Variants in PDE10A observed in about 807,000 individuals in gnomAD.
PDE10A encodes cAMP and cAMP-inhibited cGMP 3',5'-cyclic phosphodiesterase 10A.
Under a neutral mutation model 97.7 loss-of-function variants are expected in PDE10A, and 39 were observed. The ratio of observed to expected loss-of-function variants is 0.40; its 90% CI spans 0.31 to 0.52. PDE10A has a LOEUF of 0.52. PDE10A is among the 20% of genes least tolerant of loss of function. The pLI is 0.56. For missense variants in PDE10A, 731 were observed against 1,047.8 expected (o/e 0.70, Z 4.17); for synonymous variants, 371 against 376.8 (o/e 0.98, Z 0.18).
intron 1 of PDE10A, among the ~76,000 whole-genome samples, chr6:165,636,899 A>G (rs1403876749): frequency 1.3e-5 from 2 of 152,182 alleles, no homozygotes; most frequent in African/African-American, 4.8e-5. Context: ...TCTGTAAAAT[A>G]AAGGGATCTC....
chr6:165,408,406 C>T (rs763234038), intron 13 of PDE10A, among the ~76,000 whole-genome samples: 1 of 151,998 alleles, frequency 6.6e-6, no homozygotes, highest in Non-Finnish European at 1.5e-5. Flanking sequence ...GAAAAAAATG[C>T]TCAAAACAGC....
At chr6:165,810,378 C>A (rs1462806750) in intron 1 of PDE10A, among the ~76,000 whole-genome samples, 1 of 152,154 alleles carries the variant, frequency 6.6e-6, no homozygotes, top group African/African-American at 2.4e-5. Flanking sequence ...AAAAACAGAA[C>A]TAGGCTCCCC....
chr6:165,923,664 T>C (rs1782825417), intron 1 of PDE10A, among the ~76,000 whole-genome samples: 1 of 152,214 alleles, frequency 6.6e-6, no homozygotes, highest in East Asian at 1.9e-4. Flanking sequence ...CTGGTTAGGA[T>C]GCTTTTACAA....
At chr6:165,377,142 C>T (rs1175636589) in intron 18 of PDE10A, among the ~76,000 whole-genome samples, 1 of 152,098 alleles carries the variant, frequency 6.6e-6, no homozygotes, top group Non-Finnish European at 1.5e-5. Flanking sequence ...CTTAGTAGAA[C>T]ACATGGTGTA....
chr6:165,854,177 C>G (rs1583192637), intron 1 of PDE10A, among the ~76,000 whole-genome samples: 1 of 152,184 alleles, frequency 6.6e-6, no homozygotes, highest in South Asian at 2.1e-4. Flanking sequence ...CGGGGCGCAC[C>G]GGCGGACGGT....
chr6:165,447,750 C>A (rs1169395077), intron 5 of PDE10A, among the ~76,000 whole-genome samples: 1 of 152,096 alleles, frequency 6.6e-6, no homozygotes, highest in South Asian at 2.1e-4. Context: ...CTGAATAATG[C>A]AAATTAATAA....
At chr6:165,627,318 C>A (rs1443205957) in intron 1 of PDE10A, among the ~76,000 whole-genome samples, 3 of 152,120 alleles carry the variant, frequency 2.0e-5, no homozygotes, top group Admixed American at 1.3e-4. Context: ...AATGCATATT[C>A]TATTAATGAT....
chr6:165,915,860 A>G (rs1033052388), intron 1 of PDE10A, among the ~76,000 whole-genome samples: 2 of 152,228 alleles, frequency 1.3e-5, no homozygotes, highest in East Asian at 1.9e-4. Flanking sequence ...CAAATGTAGG[A>G]CCAACTTTGG....
intron 1 of PDE10A, among the ~76,000 whole-genome samples, chr6:165,938,350 T>C (rs1783403209): frequency 6.6e-6 from 1 of 152,244 alleles, no homozygotes; most frequent in South Asian, 2.1e-4. Flanking sequence ...TGTCTCCAAC[T>C]AGAATAAAGG....
chr6:165,969,583 C>T (rs1322828646), intron 1 of PDE10A, among the ~76,000 whole-genome samples: 1 of 151,638 alleles, frequency 6.6e-6, no homozygotes, highest in East Asian at 1.9e-4. Flanking sequence ...CGGTTTTTGC[C>T]ATTAATGACC....
intron 1 of PDE10A, among the ~76,000 whole-genome samples, chr6:165,678,583 G>A (rs552162090): frequency 1.1e-4 from 17 of 152,014 alleles, no homozygotes; most frequent in Admixed American, 3.3e-4. Context: ...TCTGCCCGCC[G>A]CTTGGAAACA....
At chr6:165,967,284 C>T (rs1784539286) in intron 1 of PDE10A, among the ~76,000 whole-genome samples, 1 of 152,178 alleles carries the variant, frequency 6.6e-6, no homozygotes, top group Non-Finnish European at 1.5e-5. Context: ...ATCACCTGAC[C>T]TCAGGAGTTC....
intron 2 of PDE10A, among the ~76,000 whole-genome samples, chr6:165,525,253 G>T (rs1201099895): frequency 6.6e-6 from 1 of 152,072 alleles, no homozygotes. Flanking sequence ...GGATATTAAG[G>T]GTATGGGATA....
At chr6:165,833,572 G>A (rs1027070987) in intron 1 of PDE10A, among the ~76,000 whole-genome samples, 2 of 152,248 alleles carry the variant, frequency 1.3e-5, no homozygotes, top group Non-Finnish European at 2.9e-5. Context: ...GAGGGCTGGA[G>A]GAGCAGGCAG....
At position 165,661,988 on chromosome 6, in the gene PDE10A, G is replaced by A. The variant is rs1408673805; in HGVS notation, c.824C>T (p.Ala275Val). 8.8e-6 allele frequency: 12 copies of A among 1,359,776 alleles called. No homozygotes were observed. The highest frequency in any genetic ancestry group is 1.1e-5 in the Non-Finnish European group (11 of 978,558). The allele number at this position is 1,359,776 out of a possible 1,614,324, so 84.2% of individuals were successfully genotyped here. The change falls in exon 1 of 22, where the codon GCG (alanine) becomes GTG (valine). Residue 275 changes from alanine (A) to valine (V), a missense_variant. Physicochemically the swap from Ala to Val is moderately conservative, Grantham distance 64. Around this residue, in one of 8 missense-constraint regions of PDE10A, gnomAD observed 181 missense variants for 159.1 expected, o/e 1.14. Transcript: ENST00000539869. The surrounding 1 kb of genome is among the most constrained non-coding windows in gnomAD (Gnocchi z 4.8). ...SDMEDGPSNN[A>V]SCFRRLTECF... ...CTCGGTCAGCCTTCGGAAGCAGCTC[G>A]CATTATTAGAAGGTCCATCTTCCAT...
intron 1 of PDE10A, among the ~76,000 whole-genome samples, chr6:165,825,341 A>G (rs1438187781): frequency 1.3e-5 from 2 of 151,870 alleles, no homozygotes; most frequent in African/African-American, 4.8e-5. Context: ...CTCATGGCAA[A>G]GTGGTTTTTA....
intron 2 of PDE10A, among the ~76,000 whole-genome samples, chr6:165,503,786 C>A (rs1470540939): frequency 6.6e-6 from 1 of 151,884 alleles, no homozygotes; most frequent in Non-Finnish European, 1.5e-5. Context: ...ATCTATAAGA[C>A]CAAGTATCCA....
intron 1 of PDE10A, among the ~76,000 whole-genome samples, chr6:165,643,462 G>A (rs1789243726): frequency 6.6e-6 from 1 of 152,146 alleles, no homozygotes; most frequent in Admixed American, 6.5e-5. Context: ...CCATCGTTTA[G>A]TACCCCAGAG....
chr6:165,926,120 C>G (rs1782927354), intron 1 of PDE10A, among the ~76,000 whole-genome samples: 1 of 152,150 alleles, frequency 6.6e-6, no homozygotes, highest in Non-Finnish European at 1.5e-5. Context: ...CCCCAGTTTT[C>G]CAGCTGTTTT....
Sources: gnomAD v4.1 joint callset for allele counts (sites outside exome capture counted in the v4.1 genomes callset) on GRCh38, gnomAD v4.1.1 for gene constraint, gnomAD v4.1.1 regional missense constraint, Gnocchi (gnomAD v3.1) non-coding constraint, MANE v1.5 for transcripts, NCBI Gene and HGNC (gene_info 2026-07-23, HGNC 2026-07-21) for gene names.